The following GABRA3 variants were observed in gnomAD, a reference collection of about 807,000 sequenced individuals.
GABRA3 encodes the protein gamma-aminobutyric acid receptor subunit alpha-3.
In GABRA3, 10 loss-of-function variants were observed where a neutral mutation model predicts 30.1. The observed-to-expected ratio is 0.33, with a 90% CI of 0.20 to 0.56. The LOEUF (loss-of-function observed/expected upper bound fraction) is 0.56. Among genes scored for constraint, GABRA3 ranks in the 20% least tolerant of loss-of-function variants. The pLI is 0.89. For synonymous variants in GABRA3, 151 were observed against 146.8 expected, an observed-to-expected ratio of 1.03 and a Z score of -0.21; for missense variants, 233 against 392.0, an observed-to-expected ratio of 0.59 and a Z score of 3.42.
chrX:152,357,763 T>A (rs904344502), intron 2 of GABRA3, among the ~76,000 whole-genome samples: 20 of 112,013 alleles, frequency 1.8e-4, no homozygotes, highest in African/African-American at 6.5e-4. Context: ...AGGTTTGACA[T>A]GTAAGTTTTT....
At chrX:152,413,150 G>C (rs781391075) in intron 1 of GABRA3, among the ~76,000 whole-genome samples, 86 of 110,618 alleles carry the variant, frequency 7.8e-4, no homozygotes, top group African/African-American at 2.7e-3. Flanking sequence ...TCCTCAATAA[G>C]ATTATCAGCT....
chrX:152,252,457 C>T (rs1938572200), intron 5 of GABRA3, among the ~76,000 whole-genome samples: 1 of 110,955 alleles, frequency 9.0e-6, no homozygotes, highest in Non-Finnish European at 1.9e-5. Context: ...TTACCCACGT[C>T]GTGTCTCAGT....
intron 1 of GABRA3, among the ~76,000 whole-genome samples, chrX:152,365,910 T>C (rs1270640969): frequency 8.9e-6 from 1 of 111,773 alleles, no homozygotes; most frequent in Non-Finnish European, 1.9e-5. Context: ...GAGATAATCA[T>C]AGTATTAGAT....
chrX:152,322,000 C>T (rs936131150), intron 3 of GABRA3, among the ~76,000 whole-genome samples: 1 of 111,822 alleles, frequency 8.9e-6, no homozygotes, highest in Non-Finnish European at 1.9e-5. Context: ...AGGTATAAAA[C>T]CTGAAAACAG....
intron 1 of GABRA3, among the ~76,000 whole-genome samples, chrX:152,396,628 T>C (rs116795366): frequency 0.017 from 1,945 of 112,017 alleles, 48 homozygotes; most frequent in African/African-American, 0.059. Context: ...CCAAATACCT[T>C]GTGACTATAG....
At chrX:152,181,824 T>C (rs200825258) in intron 9 of GABRA3, among the ~76,000 whole-genome samples, 11 of 106,621 alleles carry the variant, frequency 1.0e-4, no homozygotes, top group Non-Finnish European at 5.8e-5. Context: ...AGTATAATAA[T>C]AAAAAAAAAG....
At position 152,167,644 on chromosome X, in the gene GABRA3, A is replaced by G. The variant is rs1369424316; in HGVS notation, c.*584T>C. 1 of 112,735 alleles carries G rather than the reference A, an allele frequency of 8.9e-6. No homozygotes were observed. The highest frequency in any genetic ancestry group is 1.9e-5 in the Non-Finnish European group (1 of 53,665). 9.3% of individuals were successfully genotyped at this position (112,735 alleles called of 1,213,427 possible). A position where few individuals can be genotyped will look rare whatever the true frequency, so the allele number is the denominator to read the frequency against. ...TATTTATTTTGGCCATACATGGTAGACGGTGGTTAGTACCAATTGTCCCCA... is the reference window on the plus strand; with the variant it reads ...TATTTATTTTGGCCATACATGGTAGGCGGTGGTTAGTACCAATTGTCCCCA... On this transcript the variant is annotated 3_prime_UTR_variant, in exon 10 of 10. Coordinates refer to ENST00000370314, the MANE Select transcript of GABRA3 (RefSeq NM_000808.4).
At chrX:152,278,155 A>T (rs1485349314) in intron 4 of GABRA3, among the ~76,000 whole-genome samples, 3 of 111,311 alleles carry the variant, frequency 2.7e-5, no homozygotes, top group African/African-American at 9.8e-5. Context: ...CATGTGCACA[A>T]TGTGCAGGTT....
At chrX:152,340,251 T>C (rs1940294486) in intron 3 of GABRA3, among the ~76,000 whole-genome samples, 1 of 112,500 alleles carries the variant, frequency 8.9e-6, no homozygotes, top group Admixed American at 9.4e-5. Flanking sequence ...TTCTGTGTAA[T>C]ACAAAACTGT....
chrX:152,198,235 CA>C lies in GABRA3; in HGVS notation c.779-451del, dbSNP rs1937413686. Among the ~76,000 whole-genome samples the C allele has an allele frequency of 2.7e-5, 3 of 111,906 alleles. No individual in the cohort carries two copies. The South Asian group carries it at 1.1e-3, about 42-fold the overall frequency. On this transcript the variant is annotated intron_variant, in intron 7 of 9. Transcript: ENST00000370314. The stretch of plus-strand genomic sequence containing the variant: ...ATGGAGCAACTTGCATAAGGTTACA[CA>C]GCTAGTAATTAGTAAAGCCCAAAGT...
rs1393464302 is a variant in GABRA3 at position 152,451,290 on chromosome X, G to C, written c.-171C>G. On this transcript the variant is annotated 5_prime_UTR_variant, in exon 1 of 10. Transcript: ENST00000370314. ...GTCCCTCTCTCGGTCTGTCTCTCTG[G>C]TTTGCTCGCTAGCTTGCGCGCGCTC... is the stretch of plus-strand genomic sequence containing the variant. 2 of 107,296 alleles carry C rather than the reference G, an allele frequency of 1.9e-5. No homozygotes were observed. The highest frequency in any genetic ancestry group is 3.8e-5 in the Non-Finnish European group (2 of 51,976). 8.8% of individuals were successfully genotyped at this position (107,296 alleles called of 1,213,427 possible).
Position 152,197,694 on chromosome X carries a change from G to A in GABRA3, c.870C>T (p.Val290=). Residue 290 remains valine, a synonymous_variant, in exon 8 of 10, where the codon GTC becomes GTT. Coordinates refer to ENST00000370314, the MANE Select transcript of GABRA3 (RefSeq NM_000808.4). ...GCCAGAACGACACTTGTGACAGAATGACAGTCATGATACATGGCAAGTAGG... is the reference window on the plus strand; with the variant it reads ...GCCAGAACGACACTTGTGACAGAATAACAGTCATGATACATGGCAAGTAGG... The part of the protein sequence containing the change: ...IQTYLPCIMT[V]ILSQVSFWLN... 2 of 1,209,884 alleles carry A rather than the reference G, an allele frequency of 1.7e-6. No individual in the cohort carries two copies. The highest frequency in any genetic ancestry group is 2.2e-6 in the Non-Finnish European group (2 of 893,833).
chrX:152,321,294 C>A (rs754297315), intron 3 of GABRA3, among the ~76,000 whole-genome samples: 1 of 111,953 alleles, frequency 8.9e-6, no homozygotes, highest in Non-Finnish European at 1.9e-5. Flanking sequence ...TCTGATTGTC[C>A]TAGTTCCACC....
At chrX:152,235,997 A>AT (rs55643701) in intron 5 of GABRA3, among the ~76,000 whole-genome samples, 55 of 91,450 alleles carry the variant, frequency 6.0e-4, no homozygotes, top group African/African-American at 1.2e-3. Context: ...TTTTTTTTTA[A>AT]TTTTTTTTTA....
intron 1 of GABRA3, among the ~76,000 whole-genome samples, chrX:152,400,605 T>A (rs988375583): frequency 1.8e-5 from 2 of 111,916 alleles, no homozygotes; most frequent in African/African-American, 6.5e-5. Flanking sequence ...CCTAGTATTA[T>A]CCCTATGAAT....
At chrX:152,425,677 G>A (rs1034607950) in intron 1 of GABRA3, among the ~76,000 whole-genome samples, 4 of 110,997 alleles carry the variant, frequency 3.6e-5, no homozygotes, top group Admixed American at 1.9e-4. Context: ...ATGTTGTGAT[G>A]TGATGTTTGA....
chrX:152,195,355 C>T (rs1937372193), intron 8 of GABRA3, among the ~76,000 whole-genome samples: 1 of 112,112 alleles, frequency 8.9e-6, no homozygotes, highest in East Asian at 2.8e-4. Context: ...GAAAGCGTAA[C>T]TGTTCAATGA....
chrX:152,371,576 A>T (rs1928842218), intron 1 of GABRA3, among the ~76,000 whole-genome samples: 1 of 110,331 alleles, frequency 9.1e-6, no homozygotes, highest in Admixed American at 9.7e-5. Context: ...ATGCAATATC[A>T]TCGATCATTT....
intron 1 of GABRA3, among the ~76,000 whole-genome samples, chrX:152,368,334 G>A (rs903060524): frequency 3.6e-5 from 4 of 111,399 alleles, no homozygotes; most frequent in African/African-American, 1.3e-4. Context: ...TCTACTCTCT[G>A]CTTCTGTGAA....
Sources: gnomAD v4.1 joint callset for allele counts (sites outside exome capture counted in the v4.1 genomes callset) on GRCh38, gnomAD v4.1.1 for gene constraint, MANE v1.5 for transcripts, NCBI Gene and HGNC (gene_info 2026-07-23, HGNC 2026-07-21) for gene names.